The following ERC2 variants were observed in gnomAD, a reference collection of about 807,000 sequenced individuals.
ERC2 encodes the protein ERC protein 2.
In ERC2, 42 loss-of-function variants were observed where a neutral mutation model predicts 114.8. The ratio of observed to expected loss-of-function variants is 0.37; its 90% CI spans 0.29 to 0.47. The LOEUF is 0.47. ERC2 is among the 20% of genes least tolerant of loss of function. ERC2 has a pLI of 0.99. For missense variants in ERC2, 939 were observed against 1,150.7 expected, an observed-to-expected ratio of 0.82 and a Z score of 2.66; for synonymous variants, 454 against 425.5, an observed-to-expected ratio of 1.07 and a Z score of -0.82.
intron 2 of ERC2, among the ~76,000 whole-genome samples, chr3:56,416,513 C>T (rs997802338): frequency 1.3e-5 from 2 of 152,046 alleles, no homozygotes; most frequent in African/African-American, 4.8e-5. Flanking sequence ...TTAACACTTC[C>T]AAGCCACTGC....
chr3:56,135,503 T>G (rs1334819946), intron 6 of ERC2, among the ~76,000 whole-genome samples: 3 of 152,166 alleles, frequency 2.0e-5, no homozygotes, highest in African/African-American at 7.2e-5. Flanking sequence ...AACATAATAG[T>G]AGTAATGATA....
chr3:55,918,207 A>C (rs1216382489), intron 13 of ERC2, among the ~76,000 whole-genome samples: 1 of 152,142 alleles, frequency 6.6e-6, no homozygotes, highest in Non-Finnish European at 1.5e-5. Context: ...TTCTAGCTAC[A>C]ATGTAATCTG....
chr3:55,558,582 G>C (rs2055783992), intron 17 of ERC2, among the ~76,000 whole-genome samples: 1 of 152,226 alleles, frequency 6.6e-6, no homozygotes, highest in African/African-American at 2.4e-5. Flanking sequence ...ATGCTCTGAA[G>C]TTAACAGAAG....
chr3:55,733,611 G>C (rs2065440805), intron 15 of ERC2, among the ~76,000 whole-genome samples: 1 of 147,374 alleles, frequency 6.8e-6, no homozygotes, highest in South Asian at 2.1e-4. Flanking sequence ...CACTGTCTCT[G>C]AACAAGGCAG....
At chr3:55,802,825 C>A (rs567030603) in intron 14 of ERC2, among the ~76,000 whole-genome samples, 1 of 152,256 alleles carries the variant, frequency 6.6e-6, no homozygotes, top group East Asian at 1.9e-4. Context: ...GACACTACCC[C>A]ACTGTCACTT....
chr3:55,944,923 C>T (rs1166820581), intron 13 of ERC2, among the ~76,000 whole-genome samples: 1 of 152,166 alleles, frequency 6.6e-6, no homozygotes, highest in African/African-American at 2.4e-5. Flanking sequence ...TATTTCTCTT[C>T]GTCTGAAACC....
intron 13 of ERC2, among the ~76,000 whole-genome samples, chr3:55,908,572 A>G (rs1339628755): frequency 6.6e-6 from 1 of 152,172 alleles, no homozygotes; most frequent in Non-Finnish European, 1.5e-5. Flanking sequence ...GAGTCCGAGA[A>G]TGCTGACAAG....
chr3:55,610,014 T>C (rs570703852), intron 17 of ERC2, among the ~76,000 whole-genome samples: 5 of 149,888 alleles, frequency 3.3e-5, no homozygotes, highest in African/African-American at 1.2e-4. Flanking sequence ...GGCATTTTCT[T>C]TCTCTTTATC....
chr3:55,654,503 G>A (rs2060774993), intron 17 of ERC2, among the ~76,000 whole-genome samples: 1 of 152,234 alleles, frequency 6.6e-6, no homozygotes, highest in Non-Finnish European at 1.5e-5. Flanking sequence ...GTACTTGGCA[G>A]CTAAGGAGAT....
At chr3:56,086,268 A>G (rs2149773113) in intron 6 of ERC2, among the ~76,000 whole-genome samples, 1 of 152,284 alleles carries the variant, frequency 6.6e-6, no homozygotes, top group East Asian at 1.9e-4. Flanking sequence ...ATTTCTCCAG[A>G]AACAAAATGG....
chr3:55,771,493 G>C (rs899793974), intron 14 of ERC2, among the ~76,000 whole-genome samples: 2 of 152,184 alleles, frequency 1.3e-5, no homozygotes, highest in Non-Finnish European at 2.9e-5. Flanking sequence ...AAGAAGTAAA[G>C]CTAGGACTTG....
chr3:56,341,394 C>T (rs1196784527), intron 2 of ERC2, among the ~76,000 whole-genome samples: 2 of 152,148 alleles, frequency 1.3e-5, no homozygotes, highest in Admixed American at 6.5e-5. Context: ...GGGAGCCAAG[C>T]CTTCCATTTT....
At position 56,284,886 on chromosome 3, in the gene ERC2, G is replaced by A. The variant is rs79468801; in HGVS notation, c.1074+11133C>T. Among the ~76,000 whole-genome samples the A allele has an allele frequency of 1.3e-3, 199 of 151,938 alleles. 4 individuals are homozygous for A. In the East Asian group the frequency reaches 0.034, roughly 26 times the overall value. ...CCTCATTTCCAGCCCTACAGTTTCTGAGAGAGAAGAGTGCAGTTGGGGTGG... is the reference window on the plus strand; with the variant it reads ...CCTCATTTCCAGCCCTACAGTTTCTAAGAGAGAAGAGTGCAGTTGGGGTGG... On this transcript the variant is annotated intron_variant, in intron 3 of 17. Transcript: ENST00000288221.
At position 55,633,914 on chromosome 3, in the gene ERC2, TC is replaced by T. The variant is rs536836884; in HGVS notation, c.*39+49879del. On this transcript the variant is annotated intron_variant, in intron 17 of 17. Transcript: ENST00000288221. ...ACACACCATGCCTGGGAGTCAAGGG[TC>T]CCGGGTGGGAAATGCCACATATTCT... Among the ~76,000 whole-genome samples the T allele has an allele frequency of 6.5e-4, 99 of 152,220 alleles. No individual in the cohort carries two copies. In the South Asian group the frequency reaches 0.02, roughly 30 times the overall value.
At chr3:56,369,259 C>T (rs1250163588) in intron 2 of ERC2, among the ~76,000 whole-genome samples, 1 of 152,196 alleles carries the variant, frequency 6.6e-6, no homozygotes, top group East Asian at 1.9e-4. Context: ...TTATCCCAAA[C>T]AGTACCCACT....
In ERC2 at chr3:55,803,515, A is replaced by G. The variant is rs1017832364; in HGVS notation, c.2565-68597T>C. ...GCATTTCAACTGATGAATATTTACT[A>G]TGAGTTTCTGGTAATTTTTTTTTTT... On this transcript the variant is annotated intron_variant, in intron 14 of 17. Coordinates refer to ENST00000288221, the MANE Select transcript of ERC2 (RefSeq NM_015576.3). Among the ~76,000 whole-genome samples, 8 of 151,960 alleles carry G rather than the reference A, an allele frequency of 5.3e-5. No individual in the cohort carries two copies. The East Asian group carries it at 1.4e-3, about 26-fold the overall frequency.
chr3:56,088,543 G>T (rs1039783718), intron 6 of ERC2, among the ~76,000 whole-genome samples: 1 of 152,020 alleles, frequency 6.6e-6, no homozygotes, highest in African/African-American at 2.4e-5. Flanking sequence ...TAGACACGGG[G>T]GTTAAAGATC....
At chr3:56,299,519 T>C (rs1261780389) in intron 2 of ERC2, among the ~76,000 whole-genome samples, 1 of 151,642 alleles carries the variant, frequency 6.6e-6, no homozygotes, top group East Asian at 1.9e-4. Context: ...AACCTCCACC[T>C]TCTGGGTTCA....
At chr3:55,618,027 T>G (rs1413006824) in intron 17 of ERC2, among the ~76,000 whole-genome samples, 1 of 152,148 alleles carries the variant, frequency 6.6e-6, no homozygotes, top group Non-Finnish European at 1.5e-5. Flanking sequence ...AGAGAAACTA[T>G]ACAAATCTCG....
Sources: allele counts gnomAD v4.1 joint callset (sites outside exome capture counted in the v4.1 genomes callset), GRCh38; gene constraint gnomAD v4.1.1; transcripts MANE v1.5; gene names NCBI Gene and HGNC (gene_info 2026-07-23, HGNC 2026-07-21).